Variants in MTUS2 observed in about 807,000 individuals in gnomAD.
MTUS2 encodes the protein microtubule-associated tumor suppressor candidate 2.
Under a neutral mutation model 114.1 loss-of-function variants are expected in MTUS2, and 40 were observed. The ratio of observed to expected loss-of-function variants is 0.35; its 90% CI spans 0.27 to 0.46. The LOEUF is 0.46. Ranked by LOEUF, MTUS2 falls within the 20% of genes least tolerant of loss-of-function variation. MTUS2 has a pLI of 1.00. For missense variants in MTUS2, 1,679 were observed against 1,705.4 expected (o/e 0.98, Z 0.27); for synonymous variants, 688 against 672.0 (o/e 1.02, Z -0.37).
At chr13:29,351,786 T>A (rs1168007401) in intron 7 of MTUS2, among the ~76,000 whole-genome samples, 4 of 151,486 alleles carry the variant, frequency 2.6e-5, no homozygotes, top group African/African-American at 7.3e-5. Context: ...TTATTTTTTT[T>A]TTTTTTTTTG....
At chr13:29,188,921 G>C (rs756990741) in intron 5 of MTUS2, among the ~76,000 whole-genome samples, 1 of 152,014 alleles carries the variant, frequency 6.6e-6, no homozygotes, top group Admixed American at 6.6e-5. Context: ...TTTTTTCCTT[G>C]ATCAATCCCT....
At chr13:28,878,025 T>C (rs780257352) in intron 2 of MTUS2, among the ~76,000 whole-genome samples, 2 of 152,164 alleles carry the variant, frequency 1.3e-5, no homozygotes, top group Non-Finnish European at 2.9e-5. Flanking sequence ...TCTTCCATTA[T>C]GATGCCAAGT....
At chr13:29,164,313 G>A (rs543561124) in intron 5 of MTUS2, among the ~76,000 whole-genome samples, 8 of 152,234 alleles carry the variant, frequency 5.3e-5, no homozygotes, top group Non-Finnish European at 5.9e-5. Flanking sequence ...CGATTTTTGC[G>A]GTCTGCTCAT....
chr13:29,373,883 C>T (rs1871375521), intron 8 of MTUS2, among the ~76,000 whole-genome samples: 1 of 152,170 alleles, frequency 6.6e-6, no homozygotes, highest in Non-Finnish European at 1.5e-5. Context: ...AAAAGCTAAT[C>T]AACAAACAGT....
intron 9 of MTUS2, among the ~76,000 whole-genome samples, chr13:29,443,459 T>C (rs1032557093): frequency 6.6e-6 from 1 of 152,232 alleles, no homozygotes; most frequent in South Asian, 2.1e-4. Flanking sequence ...GAAATCTTAT[T>C]TGATTTCTGC....
intron 5 of MTUS2, among the ~76,000 whole-genome samples, chr13:29,193,541 G>T (rs1028087742): frequency 2.6e-5 from 4 of 152,156 alleles, no homozygotes; most frequent in Non-Finnish European, 5.9e-5. Context: ...TACAAGGGAC[G>T]TGAAGGACCT....
At chr13:28,879,620 TGA>T (rs947705062) in intron 2 of MTUS2, among the ~76,000 whole-genome samples, 17 of 152,208 alleles carry the variant, frequency 1.1e-4, no homozygotes, top group Non-Finnish European at 1.8e-4. Flanking sequence ...GCTGTAAATT[TGA>T]GAGAGTGAAT....
At chr13:28,917,431 T>C (rs1488948141) in intron 2 of MTUS2, among the ~76,000 whole-genome samples, 1 of 151,864 alleles carries the variant, frequency 6.6e-6, no homozygotes, top group East Asian at 1.9e-4. Flanking sequence ...GCAGTTTCTG[T>C]CTCATTATTT....
chr13:29,288,983 A>G (rs997071313), intron 6 of MTUS2, among the ~76,000 whole-genome samples: 3 of 152,366 alleles, frequency 2.0e-5, no homozygotes, highest in African/African-American at 7.2e-5. Flanking sequence ...TGCATATGCA[A>G]AAACAAATCT....
At chr13:29,107,025 A>G (rs1890698153) in intron 5 of MTUS2, among the ~76,000 whole-genome samples, 1 of 151,568 alleles carries the variant, frequency 6.6e-6, no homozygotes, top group Non-Finnish European at 1.5e-5. Flanking sequence ...TTTGATTTAA[A>G]CCATTCATCT....
chr13:28,832,951 A>T (rs969175191), intron 1 of MTUS2, among the ~76,000 whole-genome samples: 1 of 152,034 alleles, frequency 6.6e-6, no homozygotes, highest in Non-Finnish European at 1.5e-5. Flanking sequence ...AATTTATTTC[A>T]ACAAATTATA....
intron 2 of MTUS2, among the ~76,000 whole-genome samples, chr13:28,854,345 G>T (rs1421568899): frequency 6.6e-6 from 1 of 152,180 alleles, no homozygotes; most frequent in Admixed American, 6.5e-5. Flanking sequence ...TTCTAGTTAT[G>T]TTGCTTACAA....
chr13:29,209,326 G>T (rs1331755019), intron 5 of MTUS2, among the ~76,000 whole-genome samples: 13 of 152,134 alleles, frequency 8.5e-5, no homozygotes, highest in African/African-American at 2.9e-4. Flanking sequence ...TATGTTGTTT[G>T]GTGAGTCTCT....
At chr13:29,261,253 A>G (rs1248920572) in intron 5 of MTUS2, among the ~76,000 whole-genome samples, 3 of 152,202 alleles carry the variant, frequency 2.0e-5, no homozygotes, top group South Asian at 4.1e-4. Context: ...TAAAGATTTC[A>G]TATTCCCCAG....
At chr13:29,307,316 C>T in intron 6 of MTUS2, 2 of 677,614 alleles carry the variant, frequency 3.0e-6, no homozygotes, top group Non-Finnish European at 2.7e-6. Context: ...ACAGTCCATG[C>T]TGTCCCTGCC....
chr13:28,872,411 C>T (rs1877672521), intron 2 of MTUS2, among the ~76,000 whole-genome samples: 1 of 152,226 alleles, frequency 6.6e-6, no homozygotes, highest in Non-Finnish European at 1.5e-5. Flanking sequence ...TTTGGATAGA[C>T]TGAGATCCGT....
At chr13:29,247,480 T>A in intron 5 of MTUS2, among the ~76,000 whole-genome samples, 1 of 151,382 alleles carries the variant, frequency 6.6e-6, no homozygotes, top group South Asian at 2.1e-4. Flanking sequence ...ACCCACAGAG[T>A]CGGAGAAAAT....
chr13:29,101,077 C>T, intron 5 of MTUS2, 107 bp downstream of exon 5: 1 of 1,174,034 alleles, frequency 8.5e-7, no homozygotes, highest in Non-Finnish European at 1.2e-6. Context: ...TTTGCATCAC[C>T]TCCCTTAGCT....
intron 5 of MTUS2, among the ~76,000 whole-genome samples, chr13:29,122,509 A>C (rs1188746028): frequency 6.6e-6 from 1 of 152,164 alleles, no homozygotes; most frequent in Non-Finnish European, 1.5e-5. Context: ...TGAGAACAGC[A>C]TGAGGATAAC....
Sources: allele counts gnomAD v4.1 joint callset (sites outside exome capture counted in the v4.1 genomes callset), GRCh38; gene constraint gnomAD v4.1.1; transcripts MANE v1.5; gene names NCBI Gene and HGNC (gene_info 2026-07-23, HGNC 2026-07-21).